The following SLC8A3 variants were observed in gnomAD, a reference collection of about 807,000 sequenced individuals.
SLC8A3 encodes the protein sodium/calcium exchanger 3.
In SLC8A3, 37 loss-of-function variants were observed where a neutral mutation model predicts 65.4. That is an observed-to-expected ratio of 0.57 (90% CI 0.44 to 0.74). The LOEUF (loss-of-function observed/expected upper bound fraction) is 0.74. SLC8A3 is among the 30% of genes least tolerant of loss of function. The pLI is 0.00. For missense variants in SLC8A3, 1,112 were observed against 1,172.1 expected, an observed-to-expected ratio of 0.95 and a Z score of 0.75; for synonymous variants, 461 against 444.5, an observed-to-expected ratio of 1.04 and a Z score of -0.47.
intron 1 of SLC8A3, among the ~76,000 whole-genome samples, chr14:70,177,324 G>T (rs1015942385): frequency 6.6e-6 from 1 of 152,178 alleles, no homozygotes; most frequent in Non-Finnish European, 1.5e-5. Context: ...TGTGAGCAAG[G>T]TTTTCTGAAT....
chr14:70,142,344 T>A (rs1006842430), intron 2 of SLC8A3, among the ~76,000 whole-genome samples: 12 of 152,308 alleles, frequency 7.9e-5, no homozygotes, highest in African/African-American at 2.9e-4. Context: ...GAAAGCAGGA[T>A]GTGGGGTGAG....
At chr14:70,121,461 C>T (rs1448516499) in intron 2 of SLC8A3, among the ~76,000 whole-genome samples, 2 of 152,226 alleles carry the variant, frequency 1.3e-5, no homozygotes, top group African/African-American at 4.8e-5. Flanking sequence ...TCAAGTCTAA[C>T]GTCCACAGCT....
chr14:70,184,890 C>T (rs1566840823), intron 1 of SLC8A3, among the ~76,000 whole-genome samples: 1 of 151,920 alleles, frequency 6.6e-6, no homozygotes, highest in Non-Finnish European at 1.5e-5. Flanking sequence ...TTCTGAGCCT[C>T]AGCACGTATT....
At chr14:70,077,288 G>A (rs772645112) in intron 2 of SLC8A3, among the ~76,000 whole-genome samples, 54 of 152,160 alleles carry the variant, frequency 3.5e-4, no homozygotes, top group Non-Finnish European at 6.9e-4. Flanking sequence ...GAGAGGTCTT[G>A]AGTTTCCACA....
chr14:70,174,523 T>A (rs1424092920), intron 1 of SLC8A3, among the ~76,000 whole-genome samples: 1 of 152,072 alleles, frequency 6.6e-6, no homozygotes, highest in East Asian at 1.9e-4. Flanking sequence ...GTGTGGAATT[T>A]AGACTCCCAC....
intron 2 of SLC8A3, among the ~76,000 whole-genome samples, chr14:70,160,856 A>C (rs1402497327): frequency 7.0e-6 from 1 of 143,336 alleles, no homozygotes. Context: ...TGACAGTCTC[A>C]GTAATTAAGA....
intron 2 of SLC8A3, among the ~76,000 whole-genome samples, chr14:70,098,776 G>T (rs560783937): frequency 6.6e-6 from 1 of 152,284 alleles, no homozygotes; most frequent in East Asian, 1.9e-4. Context: ...TAGCAGCTGA[G>T]AAATAATTAA....
At chr14:70,123,250 A>C (rs1894207079) in intron 2 of SLC8A3, among the ~76,000 whole-genome samples, 1 of 151,958 alleles carries the variant, frequency 6.6e-6, no homozygotes, top group South Asian at 2.1e-4. Flanking sequence ...GTCTCAAAAA[A>C]AAAAAATTTA....
intron 2 of SLC8A3, among the ~76,000 whole-genome samples, chr14:70,120,398 A>G (rs528409380): frequency 3.9e-5 from 6 of 152,324 alleles, no homozygotes; most frequent in African/African-American, 1.2e-4. Context: ...GCATTTGCCC[A>G]TCCTACTTAC....
chr14:70,181,297 G>T (rs910023415), intron 1 of SLC8A3, among the ~76,000 whole-genome samples: 1 of 152,110 alleles, frequency 6.6e-6, no homozygotes, highest in Admixed American at 6.5e-5. Context: ...TTAGGAAATA[G>T]TATAGATCCC....
rs367990033 is a variant in SLC8A3, at chr14:70,167,878, A to G, written c.545T>C (p.Ile182Thr). The G allele has an allele frequency of 1.4e-4, 230 of 1,614,094 alleles. No individual in the cohort carries two copies. The highest frequency in any genetic ancestry group is 1.8e-4 in the Non-Finnish European group (210 of 1,180,052). The change falls in exon 2 of 7, where the codon ATT (isoleucine) becomes ACT (threonine). Residue 182 changes from isoleucine to threonine, a missense_variant. Ile to Thr is a moderately conservative substitution (Grantham distance 89, BLOSUM62 -1). Transcript: ENST00000356921. ...GSAAFNMFII[I>T]GICVYVIPDG... ...TGGGATCACGTAGACACAGATGCCAATGATGATGAACATGTTGAAGGCTGC... is the reference window on the plus strand; with the variant it reads ...TGGGATCACGTAGACACAGATGCCAGTGATGATGAACATGTTGAAGGCTGC...
intron 2 of SLC8A3, among the ~76,000 whole-genome samples, chr14:70,101,668 C>A (rs1327273572): frequency 6.6e-6 from 1 of 152,112 alleles, no homozygotes; most frequent in East Asian, 1.9e-4. Flanking sequence ...GGAACTGGTA[C>A]TAGAAATGAT....
intron 2 of SLC8A3, among the ~76,000 whole-genome samples, chr14:70,062,067 C>G (rs1474763838): frequency 7.8e-6 from 1 of 128,392 alleles, no homozygotes; most frequent in Non-Finnish European, 1.5e-5. Context: ...TACTAGTGAG[C>G]CAGAATTGTA....
At chr14:70,079,330 CAAAAAAAAAA>C (rs11464342) in intron 2 of SLC8A3, among the ~76,000 whole-genome samples, 5 of 80,928 alleles carry the variant, frequency 6.2e-5, no homozygotes, top group Non-Finnish European at 9.4e-5. Context: ...CTAAAAAATA[CAAAAAAAAAA>C]AAAAAAAAAA....
In SLC8A3 at chr14:70,168,426, C is replaced by T. The variant is rs770321338; in HGVS notation, c.-4G>A. 14 of 1,608,836 alleles carry T rather than the reference C, an allele frequency of 8.7e-6. No individual in the cohort carries two copies. The highest frequency in any genetic ancestry group is 3.3e-5 in the Admixed American group (2 of 59,830). ...GCTGCAACCTTAACCACGCCATACA[C>T]GAGACTTAGCCACTGGCTTCTATTG... On this transcript the variant is annotated 5_prime_UTR_variant, in exon 2 of 7. It adds an upstream start codon to the 5' untranslated region. Transcript: ENST00000356921.
intron 2 of SLC8A3, among the ~76,000 whole-genome samples, chr14:70,136,882 G>A (rs763781964): frequency 7.2e-5 from 11 of 152,308 alleles, no homozygotes; most frequent in South Asian, 2.1e-4. Flanking sequence ...GCATTTTCAC[G>A]CATGAAAATA....
intron 2 of SLC8A3, among the ~76,000 whole-genome samples, chr14:70,090,333 T>C (rs775142800): frequency 1.3e-5 from 2 of 152,196 alleles, no homozygotes; most frequent in Non-Finnish European, 2.9e-5. Flanking sequence ...AAGTGAATAA[T>C]TATCAGTACT....
At chr14:70,169,957 A>G (rs1035995821) in intron 1 of SLC8A3, among the ~76,000 whole-genome samples, 2 of 151,792 alleles carry the variant, frequency 1.3e-5, no homozygotes, top group African/African-American at 4.8e-5. Flanking sequence ...CTCTTTCTCC[A>G]TTTCTACCAC....
chr14:70,134,650 C>T (rs1397009503), intron 2 of SLC8A3, among the ~76,000 whole-genome samples: 3 of 152,204 alleles, frequency 2.0e-5, no homozygotes, highest in African/African-American at 7.2e-5. Context: ...CATCACCTCT[C>T]ACCTGGATTT....
Sources: gnomAD v4.1 joint callset for allele counts (sites outside exome capture counted in the v4.1 genomes callset) on GRCh38, gnomAD v4.1.1 for gene constraint, MANE v1.5 for transcripts, NCBI Gene and HGNC (gene_info 2026-07-23, HGNC 2026-07-21) for gene names.